DNAH8: variants seen among roughly 807,000 people sequenced by gnomAD.
The protein encoded by DNAH8 is axonemal beta dynein heavy chain 8.
In DNAH8, 382 loss-of-function variants were observed where a neutral mutation model predicts 562.1. The ratio of observed to expected loss-of-function variants is 0.68; its 90% CI spans 0.63 to 0.74. The LOEUF (loss-of-function observed/expected upper bound fraction) is 0.74, where lower values mean the gene tolerates loss of function less well. Among genes scored for constraint, DNAH8 ranks in the 30% least tolerant of loss-of-function variants. DNAH8 has a pLI of 0.00. For missense variants in DNAH8, 5,203 were observed against 5,620.4 expected (o/e 0.93, Z 2.37); for synonymous variants, 1,881 against 1,919.4 (o/e 0.98, Z 0.52).
In DNAH8 at chr6:38,860,615, T is replaced by C; in HGVS notation, c.6117T>C (p.Thr2039=). ...FLGCTDRLVI[T]PLTDRCYITL... ...GATGTACTGATCGTCTTGTTATCACTCCATTAACAGATAGGTAGGAAACCC... is the reference window on the plus strand; with the variant it reads ...GATGTACTGATCGTCTTGTTATCACCCCATTAACAGATAGGTAGGAAACCC... The change falls in exon 43 of 93, where the codon ACT becomes ACC. Residue 2039 remains threonine (T), a synonymous_variant. Transcript: ENST00000327475. 1.3e-6 allele frequency: 2 copies of C among 1,532,478 alleles called. No homozygotes were observed. Among genetic ancestry groups the C allele is most frequent in the African/African-American group, 2.9e-5 (2 of 70,054 alleles). The allele number at this position is 1,532,478 out of a possible 1,614,324, so 94.9% of individuals were successfully genotyped here.
intron 82 of DNAH8, among the ~76,000 whole-genome samples, chr6:38,963,171 CACAA>C (rs1361403426): frequency 2.0e-5 from 3 of 151,100 alleles, no homozygotes; most frequent in African/African-American, 4.9e-5. Context: ...AAAATAAAAG[CACAA>C]ACAAAGAAAC....
chr6:38,816,063 TTTTA>T (rs1772240490), intron 26 of DNAH8, among the ~76,000 whole-genome samples: 1 of 38,870 alleles, frequency 2.6e-5, no homozygotes, highest in Admixed American at 3.2e-4. Context: ...TTTTATTTTG[TTTTA>T]TTTTATTTTA....
chr6:38,893,183 C>A (rs1779452584), intron 58 of DNAH8, among the ~76,000 whole-genome samples: 1 of 152,208 alleles, frequency 6.6e-6, no homozygotes, highest in African/African-American at 2.4e-5. Flanking sequence ...ATGAATGAAT[C>A]TTCCTCCTCT....
At position 38,860,024 on chromosome 6, in the gene DNAH8, C is replaced by T. The variant is rs1405677120; in HGVS notation, c.5959-433C>T. ...ATCTTCTAGACATTTGCCTATAGCA[C>T]TTACTCTTCCCACACCCTCATGATC... On this transcript the variant is annotated intron_variant, in intron 42 of 92. Transcript: ENST00000327475. Among the ~76,000 whole-genome samples, 3 of 152,166 alleles carry T rather than the reference C, an allele frequency of 2.0e-5. No individual in the cohort carries two copies. The East Asian group carries it at 5.8e-4, about 29-fold the overall frequency.
chr6:38,898,912 A>G (rs916090511), intron 61 of DNAH8, among the ~76,000 whole-genome samples: 1 of 152,106 alleles, frequency 6.6e-6, no homozygotes, highest in Non-Finnish European at 1.5e-5. Context: ...TTGACCATTC[A>G]CCGTGGCTAG....
intron 62 of DNAH8, among the ~76,000 whole-genome samples, chr6:38,900,505 C>T (rs1219178943): frequency 6.6e-6 from 1 of 152,196 alleles, no homozygotes; most frequent in Non-Finnish European, 1.5e-5. Context: ...TTTAGTTGAT[C>T]TGCTTAGTAG....
intron 43 of DNAH8, among the ~76,000 whole-genome samples, chr6:38,861,957 T>C (rs1776666692): frequency 6.6e-6 from 1 of 151,448 alleles, no homozygotes; most frequent in Non-Finnish European, 1.5e-5. Flanking sequence ...AGGTTTTTTT[T>C]TTTTTTTTCT....
intron 91 of DNAH8, among the ~76,000 whole-genome samples, chr6:39,019,911 C>G (rs1350420989): frequency 6.6e-6 from 1 of 152,042 alleles, no homozygotes; most frequent in Non-Finnish European, 1.5e-5. Context: ...CTGGGAAGGA[C>G]AAGGTCTTTA....
intron 1 of DNAH8, among the ~76,000 whole-genome samples, chr6:38,715,958 ATAT>A (rs1347500741): frequency 0.016 from 499 of 30,946 alleles, 2 homozygotes; most frequent in Middle Eastern, 0.029. Context: ...ATATATATAT[ATAT>A]TTTTTTTTTT....
At chr6:38,971,384 C>T (rs1192869094) in intron 82 of DNAH8, among the ~76,000 whole-genome samples, 4 of 152,078 alleles carry the variant, frequency 2.6e-5, no homozygotes, top group Admixed American at 2.6e-4. Flanking sequence ...CCCCAACCCA[C>T]GCTTTTCCGG....
rs772897238 is a variant in DNAH8, at chr6:38,775,938, T to C, written c.1949T>C (p.Ile650Thr). Residue 650 changes from isoleucine to threonine, a missense_variant, in exon 13 of 93, where the codon ATC becomes ACC. Transcript: ENST00000327475. Reference protein sequence around the residue: ...DTDFLDFMTKINGLEVQIQAF... With the variant: ...DTDFLDFMTKTNGLEVQIQAF... ...GATTTCTTAGATTTCATGACAAAAA[T>C]CAATGGTTTAGAGGTAAGTAATTAT... is the stretch of plus-strand genomic sequence containing the variant. 6.2e-7 allele frequency: 1 copy of C among 1,610,100 alleles called. No individual in the cohort carries two copies. The highest frequency in any genetic ancestry group is 8.5e-7 in the Non-Finnish European group (1 of 1,176,688).
rs760556230 is a variant in DNAH8, at chr6:38,826,402, A to T, written c.4083+11A>T. On this transcript the variant is annotated intron_variant, in intron 29 of 92. Coordinates refer to ENST00000327475, the MANE Select transcript of DNAH8 (RefSeq NM_001206927.2). ...TTGGGACCAATTGAAGTAAGAAATG[A>T]TTGCATTTTTTTTTCTTGGAATGCT... is the stretch of plus-strand genomic sequence containing the variant. 1 of 1,536,650 alleles carries T rather than the reference A, an allele frequency of 6.5e-7. No homozygotes were observed. Among genetic ancestry groups the T allele is most frequent in the East Asian group, 2.3e-5 (1 of 44,280 alleles).
At chr6:38,835,553 C>T (rs1250569545) in intron 32 of DNAH8, among the ~76,000 whole-genome samples, 1 of 152,136 alleles carries the variant, frequency 6.6e-6, no homozygotes, top group African/African-American at 2.4e-5. Context: ...ATCTAAGCTG[C>T]ATCTTGAAGG....
chr6:38,863,836 G>A (rs1404305270), intron 44 of DNAH8, 37 bp from the exon 45 acceptor site: 3 of 1,533,400 alleles, frequency 2.0e-6, no homozygotes, highest in African/African-American at 2.8e-5. Flanking sequence ...GTATATTATA[G>A]AGTAAAACTT....
chr6:39,026,604 C>T lies in DNAH8; in HGVS notation c.13773C>T (p.Asp4591=), dbSNP rs943095717. The change falls in exon 92 of 93, where the codon GAC becomes GAT. Residue 4591 remains aspartate (D), a synonymous_variant. Coordinates refer to ENST00000327475, the MANE Select transcript of DNAH8 (RefSeq NM_001206927.2). ...VTRAHKGWAL[D]TVTIHNEVLR... The stretch of plus-strand genomic sequence containing the variant: ...GTGCCCACAAAGGCTGGGCACTGGA[C>T]ACTGTGACCATCCACAATGAAGTTC... 6.2e-6 allele frequency: 10 copies of T among 1,612,986 alleles called. No individual in the cohort carries two copies. The Middle Eastern group carries it at 6.6e-4, about 107-fold the overall frequency.
chr6:38,868,688 TC>T (rs1402031528), intron 48 of DNAH8, among the ~76,000 whole-genome samples: 6 of 151,854 alleles, frequency 4.0e-5, no homozygotes, highest in Non-Finnish European at 5.9e-5. Flanking sequence ...TTTTTTTTTT[TC>T]TTTGAAACAG....
intron 77 of DNAH8, among the ~76,000 whole-genome samples, chr6:38,937,557 A>G (rs927755184): frequency 1.3e-5 from 2 of 152,116 alleles, no homozygotes; most frequent in Non-Finnish European, 2.9e-5. Flanking sequence ...TGAAGTGTTC[A>G]GGTTAGCTAC....
intron 37 of DNAH8, among the ~76,000 whole-genome samples, chr6:38,849,221 G>A (rs1054902299): frequency 1.1e-4 from 16 of 152,144 alleles, no homozygotes; most frequent in Non-Finnish European, 2.4e-4. Flanking sequence ...TATTATAGTA[G>A]TTCATGTCTT....
At chr6:38,812,927 G>A (rs1419370773) in intron 24 of DNAH8, among the ~76,000 whole-genome samples, 1 of 152,120 alleles carries the variant, frequency 6.6e-6, no homozygotes, top group Non-Finnish European at 1.5e-5. Context: ...CGTAGGGTCT[G>A]CCTCACAGAA....
Sources: gnomAD v4.1 joint callset for allele counts (sites outside exome capture counted in the v4.1 genomes callset) on GRCh38, gnomAD v4.1.1 for gene constraint, MANE v1.5 for transcripts, NCBI Gene and HGNC (gene_info 2026-07-23, HGNC 2026-07-21) for gene names.